PLCD4: variants seen among roughly 807,000 people sequenced by gnomAD.
The protein encoded by PLCD4 is phospholipase C delta 4.
A neutral mutation model predicts 90.2 loss-of-function variants in PLCD4; 63 were observed. The observed-to-expected ratio is 0.70, with a 90% CI of 0.57 to 0.86. The LOEUF (loss-of-function observed/expected upper bound fraction) is 0.86. Ranked by LOEUF, PLCD4 falls within the 40% of genes least tolerant of loss-of-function variation. The pLI is 0.00. For missense variants in PLCD4, 830 were observed against 956.3 expected, an observed-to-expected ratio of 0.87 and a Z score of 1.74; for synonymous variants, 294 against 356.5, an observed-to-expected ratio of 0.82 and a Z score of 1.97.
chr2:218,616,898 T>TTTTATATATA (rs1553571887), intron 3 of PLCD4, among the ~76,000 whole-genome samples: 3 of 6,254 alleles, frequency 4.8e-4, no homozygotes, highest in Non-Finnish European at 1.3e-3. Context: ...AGCCATTATT[T>TTTTATATATA]TATATATATA....
intron 3 of PLCD4, 142 bp downstream of exon 3, chr2:218,616,204 C>G (rs550295147): frequency 3.9e-4 from 358 of 910,038 alleles, no homozygotes; most frequent in Non-Finnish European, 5.5e-4. Flanking sequence ...AAAAGGAGAT[C>G]ATAACAGTAC....
In PLCD4 at chr2:218,629,560, G is replaced by A. The variant is rs1316847775; in HGVS notation, c.1016G>A (p.Trp339Ter). 1 of 1,613,688 alleles carries A rather than the reference G, an allele frequency of 6.2e-7. No individual in the cohort carries two copies. Among genetic ancestry groups the A allele is most frequent in the Non-Finnish European group, 8.5e-7 (1 of 1,179,854 alleles). Residue 339 changes from tryptophan to a stop codon, truncating the protein, a stop_gained, in exon 8 of 16, where the codon TGG becomes TAG. Transcript: ENST00000450993. LOFTEE classifies it high-confidence loss of function. ...TGCCGCTGCGTGGAGGTGGATGTAT[G>A]GGATGGACCTAGCGGGGAACCTGTC... ...RGCRCVEVDV[W>*]DGPSGEPVVY...
At position 218,618,612 on chromosome 2, in the gene PLCD4, G is replaced by A. The variant is rs762458051; in HGVS notation, c.215G>A (p.Gly72Asp). The change falls in exon 4 of 16, where the codon GGC becomes GAC. Residue 72 changes from glycine (G) to aspartate (D), a missense_variant. Gly to Asp is a moderately conservative substitution (Grantham distance 94). Coordinates refer to ENST00000450993, the MANE Select transcript of PLCD4 (RefSeq NM_032726.4). ...TCTGATGTGGAGACAATACGTAATG[G>A]CCATGATTCCGAGTTGCTGCGTAGC... ...SISDVETIRN[G>D]HDSELLRSLA... is the part of the protein sequence containing the mutation. The A allele has an allele frequency of 1.2e-6, 2 of 1,613,928 alleles. No homozygotes were observed. Among genetic ancestry groups the A allele is most frequent in the East Asian group, 4.5e-5 (2 of 44,902 alleles).
rs1258805200 is a variant in PLCD4, at chr2:218,636,778, G to T, written c.*201G>T. The T allele has an allele frequency of 1.5e-6, 1 of 647,912 alleles. No individual in the cohort carries two copies. 40.1% of individuals were successfully genotyped at this position (647,912 alleles called of 1,614,324 possible). On this transcript the variant is annotated 3_prime_UTR_variant, in exon 16 of 16. Coordinates refer to ENST00000450993, the MANE Select transcript of PLCD4 (RefSeq NM_032726.4). ...TTTTTCTCTTTTCTTCCCTTCCTTTGTTTTCATAAGCCTTTGGTATCTTTC... is the reference window on the plus strand; with the variant it reads ...TTTTTCTCTTTTCTTCCCTTCCTTTTTTTTCATAAGCCTTTGGTATCTTTC...
intron 10 of PLCD4, chr2:218,633,168 C>T: frequency 5.4e-6 from 3 of 553,698 alleles, no homozygotes; most frequent in Non-Finnish European, 9.6e-6. Flanking sequence ...ATTTGCATAC[C>T]TTGACATATC....
Position 218,633,726 on chromosome 2 carries a change from C to G in PLCD4, c.1571C>G (p.Ser524Cys). 1 of 1,613,956 alleles carries G rather than the reference C, an allele frequency of 6.2e-7. No individual in the cohort carries two copies. Among genetic ancestry groups the G allele is most frequent in the South Asian group, 1.1e-5 (1 of 91,080 alleles). Reference sequence around the variant, plus strand: ...CACTTCTACGAGATATCATCTTTCTCTGAAACCAAGGCCAAGCGCCTCATC... The same window carrying G: ...CACTTCTACGAGATATCATCTTTCTGTGAAACCAAGGCCAAGCGCCTCATC... ...HYHFYEISSFSETKAKRLIKE... is the reference protein window; with the variant it reads ...HYHFYEISSFCETKAKRLIKE... The change falls in exon 11 of 16, where the codon TCT becomes TGT. Residue 524 changes from serine to cysteine, a missense_variant. Physicochemically the swap from Ser to Cys is moderately radical, Grantham distance 112. Transcript: ENST00000450993.
At chr2:218,632,561 AATAG>A (rs1284079645) in intron 10 of PLCD4, among the ~76,000 whole-genome samples, 2 of 152,172 alleles carry the variant, frequency 1.3e-5, no homozygotes, top group African/African-American at 4.8e-5. Flanking sequence ...TCTTACGCAA[AATAG>A]ATAAACGCAG....
intron 1 of PLCD4, among the ~76,000 whole-genome samples, chr2:218,610,446 T>C (rs2106113406): frequency 6.6e-6 from 1 of 151,990 alleles, no homozygotes; most frequent in African/African-American, 2.4e-5. Flanking sequence ...AGGCGGAGGT[T>C]GCAGTGAGCC....
chr2:218,632,082 CAGA>C, intron 9 of PLCD4, 51 bp from the exon 10 acceptor site: 2 of 1,506,116 alleles, frequency 1.3e-6, no homozygotes, highest in East Asian at 2.4e-5. Flanking sequence ...GCATGATTCC[CAGA>C]AGGACCCAAG....
chr2:218,625,017 C>G (rs1467181655), intron 6 of PLCD4, among the ~76,000 whole-genome samples: 1 of 127,600 alleles, frequency 7.8e-6, no homozygotes, highest in Non-Finnish European at 1.6e-5. Context: ...GAGGCTGAGA[C>G]AGGAGAATTG....
intron 1 of PLCD4, among the ~76,000 whole-genome samples, chr2:218,611,470 A>C (rs1440442628): frequency 6.6e-6 from 1 of 152,158 alleles, no homozygotes; most frequent in African/African-American, 2.4e-5. Context: ...AAAGTTCACC[A>C]CATCCTAGAG....
chr2:218,627,185 C>T (rs1167626186), intron 6 of PLCD4, among the ~76,000 whole-genome samples: 1 of 151,644 alleles, frequency 6.6e-6, no homozygotes, highest in Non-Finnish European at 1.5e-5. Flanking sequence ...GGCGTGAAAC[C>T]AGGAGGCGGA....
chr2:218,633,409 TC>T (rs1696501802), intron 10 of PLCD4, 195 bp from the exon 11 acceptor site: 1 of 729,412 alleles, frequency 1.4e-6, no homozygotes, highest in African/African-American at 1.7e-5. Flanking sequence ...CGCTGTTTTG[TC>T]CGTCTATCTG....
At chr2:218,629,697 CAGA>C (rs778691943) in intron 8 of PLCD4, 34 bp downstream of exon 8, 2 of 1,598,606 alleles carry the variant, frequency 1.3e-6, no homozygotes, top group Non-Finnish European at 1.7e-6. Context: ...CTGGTGAGGC[CAGA>C]AGGTCTGAGG....
intron 3 of PLCD4, among the ~76,000 whole-genome samples, chr2:218,616,925 TATAGAGAGAG>T (rs1378508644): frequency 8.5e-4 from 19 of 22,234 alleles, no homozygotes; most frequent in African/African-American, 2.9e-3. Flanking sequence ...TATATATATA[TATAGAGAGAG>T]AGAGAGAGAG....
At chr2:218,631,621 C>A (rs1696370927) in intron 9 of PLCD4, among the ~76,000 whole-genome samples, 1 of 151,838 alleles carries the variant, frequency 6.6e-6, no homozygotes, top group Non-Finnish European at 1.5e-5. Context: ...ATAGTGAAAA[C>A]CCATCTCTAC....
intron 5 of PLCD4, 115 bp from the exon 6 acceptor site, chr2:218,622,532 T>C: frequency 1.7e-6 from 1 of 594,026 alleles, no homozygotes; most frequent in East Asian, 2.9e-5. Context: ...ATTTACTGTA[T>C]AAATATATAC....
intron 9 of PLCD4, 88 bp downstream of exon 9, chr2:218,630,890 C>A: frequency 7.2e-7 from 1 of 1,385,378 alleles, no homozygotes; most frequent in Non-Finnish European, 9.7e-7. Context: ...CTCTTTGTTC[C>A]CTTCTTTCTA....
intron 1 of PLCD4, among the ~76,000 whole-genome samples, chr2:218,611,800 T>C (rs1467379469): frequency 1.3e-5 from 2 of 152,252 alleles, no homozygotes; most frequent in African/African-American, 2.4e-5. Context: ...GGTTTCACTA[T>C]GTTGGCGAGG....
Sources: gnomAD v4.1 joint callset for allele counts (sites outside exome capture counted in the v4.1 genomes callset) on GRCh38, gnomAD v4.1.1 for gene constraint, MANE v1.5 for transcripts, NCBI Gene and HGNC (gene_info 2026-07-23, HGNC 2026-07-21) for gene names.